The following ROR1 variants were observed in gnomAD, a reference collection of about 807,000 sequenced individuals.
ROR1 encodes the protein inactive tyrosine-protein kinase transmembrane receptor ROR1.
In ROR1, 19 loss-of-function variants were observed where a neutral mutation model predicts 78.8. That is an observed-to-expected ratio of 0.24 (90% CI 0.17 to 0.35). The LOEUF is 0.35. ROR1 is among the 10% of genes least tolerant of loss of function. ROR1 has a pLI of 1.00. For missense variants in ROR1, 917 were observed against 1,177.8 expected, an observed-to-expected ratio of 0.78 and a Z score of 3.24; for synonymous variants, 386 against 433.6, an observed-to-expected ratio of 0.89 and a Z score of 1.36.
intron 1 of ROR1, among the ~76,000 whole-genome samples, chr1:63,986,200 A>G (rs1245867852): frequency 6.6e-6 from 1 of 152,234 alleles, no homozygotes; most frequent in African/African-American, 2.4e-5. Flanking sequence ...ATCAAAGACC[A>G]TAAGCAAGAG....
At chr1:63,786,958 A>C (rs1644692121) in intron 1 of ROR1, among the ~76,000 whole-genome samples, 1 of 152,158 alleles carries the variant, frequency 6.6e-6, no homozygotes, top group South Asian at 2.1e-4. Flanking sequence ...CTCTCCAGTA[A>C]GAAGTTTACT....
intron 4 of ROR1, among the ~76,000 whole-genome samples, chr1:64,082,454 T>C (rs778671421): frequency 4.6e-5 from 7 of 152,296 alleles, no homozygotes; most frequent in African/African-American, 1.2e-4. Flanking sequence ...TTGAAAGAGA[T>C]GCATATATGG....
intron 1 of ROR1, among the ~76,000 whole-genome samples, chr1:63,778,904 T>C (rs1644633778): frequency 6.6e-6 from 1 of 152,262 alleles, no homozygotes; most frequent in Non-Finnish European, 1.5e-5. Flanking sequence ...CCTTGTTTAA[T>C]TCTTACAATT....
At chr1:64,005,954 C>T (rs1646424084) in intron 1 of ROR1, among the ~76,000 whole-genome samples, 1 of 152,170 alleles carries the variant, frequency 6.6e-6, no homozygotes, top group Non-Finnish European at 1.5e-5. Context: ...AATGAGCTTG[C>T]GAATTGAAAT....
chr1:64,091,521 C>T (rs981471623), intron 4 of ROR1, among the ~76,000 whole-genome samples: 18 of 151,992 alleles, frequency 1.2e-4, no homozygotes, highest in African/African-American at 3.4e-4. Context: ...CCTGGGATCC[C>T]GAAAATCATC....
At chr1:63,816,516 C>T (rs565505023) in intron 1 of ROR1, among the ~76,000 whole-genome samples, 125 of 152,246 alleles carry the variant, frequency 8.2e-4, no homozygotes, top group Non-Finnish European at 6.3e-4. Flanking sequence ...TGAGGCCTCC[C>T]CAGCCATTTG....
intron 1 of ROR1, among the ~76,000 whole-genome samples, chr1:63,780,493 A>C (rs1463359077): frequency 6.6e-6 from 1 of 152,208 alleles, no homozygotes; most frequent in East Asian, 1.9e-4. Context: ...CGCCTAACAC[A>C]GCACCATGGA....
chr1:64,157,421 G>C (rs543314570), intron 7 of ROR1, among the ~76,000 whole-genome samples: 2 of 152,192 alleles, frequency 1.3e-5, no homozygotes, highest in South Asian at 4.2e-4. Context: ...TTACAGACAT[G>C]ACCCACTGCA....
rs114986219 is a variant in ROR1, at chr1:64,003,862, A to C, written c.92-5443A>C. ...AAAAGCCTTCACCAAACAACATCTA[A>C]AGTAACACTGAAAACCAACAGTCTC... On this transcript the variant is annotated intron_variant, in intron 1 of 8. Transcript: ENST00000371079. Among the ~76,000 whole-genome samples the C allele has an allele frequency of 3.8e-3, 581 of 152,342 alleles. 6 individuals carry two copies. The highest frequency in any genetic ancestry group is 0.013 in the African/African-American group (548 of 41,582).
At chr1:63,818,441 GTTTTATTCTATTTACT>G (rs893613375) in intron 1 of ROR1, among the ~76,000 whole-genome samples, 1 of 152,178 alleles carries the variant, frequency 6.6e-6, no homozygotes, top group Admixed American at 6.5e-5. Flanking sequence ...TACTATTGCT[GTTTTATTCTATTTACT>G]TTATCACTTG....
intron 1 of ROR1, among the ~76,000 whole-genome samples, chr1:63,939,678 A>T (rs1290553648): frequency 6.6e-6 from 1 of 152,196 alleles, no homozygotes; most frequent in Non-Finnish European, 1.5e-5. Context: ...TACCTCTCTG[A>T]AACATGCAAA....
At position 64,049,732 on chromosome 1, in the gene ROR1, A is replaced by G; in HGVS notation, c.205A>G (p.Thr69Ala). 6.2e-7 allele frequency: 1 copy of G among 1,614,038 alleles called. No homozygotes were observed. Among genetic ancestry groups the G allele is most frequent in the Non-Finnish European group, 8.5e-7 (1 of 1,179,998 alleles). ...CGATGAACCAATGAATAACATCACC[A>G]CGTCTCTGGGCCAGACAGCAGAACT... ...TLDEPMNNITTSLGQTAELHC... is the reference protein window; with the variant it reads ...TLDEPMNNITASLGQTAELHC... Residue 69 changes from threonine (T) to alanine (A), a missense_variant, in exon 3 of 9, where the codon ACG (threonine) becomes GCG (alanine). Thr to Ala is a moderately conservative substitution (Grantham distance 58). Transcript: ENST00000371079.
intron 1 of ROR1, among the ~76,000 whole-genome samples, chr1:63,878,309 CT>C: frequency 6.6e-6 from 1 of 152,190 alleles, no homozygotes. Context: ...TTTTATATAC[CT>C]TTACTTCCAT....
At chr1:64,153,662 A>G (rs1364238595) in intron 7 of ROR1, among the ~76,000 whole-genome samples, 1 of 152,176 alleles carries the variant, frequency 6.6e-6, no homozygotes, top group Non-Finnish European at 1.5e-5. Flanking sequence ...AGAAAGATAG[A>G]TACTGAATGA....
At chr1:63,781,870 A>G (rs1355351971) in intron 1 of ROR1, among the ~76,000 whole-genome samples, 3 of 152,218 alleles carry the variant, frequency 2.0e-5, no homozygotes. Flanking sequence ...CAGTCACCAA[A>G]TGAAAGGGAA....
At chr1:64,119,677 C>A (rs1648456290) in intron 4 of ROR1, among the ~76,000 whole-genome samples, 1 of 150,884 alleles carries the variant, frequency 6.6e-6, no homozygotes, top group African/African-American at 2.4e-5. Flanking sequence ...GGCTGGGGGC[C>A]TATAGTCTAT....
chr1:63,839,279 T>A (rs989919626), intron 1 of ROR1, among the ~76,000 whole-genome samples: 3 of 152,166 alleles, frequency 2.0e-5, no homozygotes, highest in Admixed American at 2.0e-4. Context: ...GGAAGCCAGA[T>A]TTTGACCATA....
rs1426764396 is a variant in ROR1 at position 64,014,719 on chromosome 1, ATATATATACACATACGCACAC to A, written c.163+5352_163+5372del. On this transcript the variant is annotated intron_variant, in intron 2 of 8. Coordinates refer to ENST00000371079, the MANE Select transcript of ROR1 (RefSeq NM_005012.4). ...AGTTCTCTGTGCTGACAGACTATAT[ATATATATACACATACGCACAC>A]TATATATATATATATATATATATAT... Among the ~76,000 whole-genome samples the A allele has an allele frequency of 2.5e-3, 103 of 40,922 alleles. 3 individuals carry two copies. The highest frequency in any genetic ancestry group is 0.014 in the East Asian group (4 of 288). 26.8% of individuals were successfully genotyped at this position (40,922 alleles called of 152,430 possible). A position where few individuals can be genotyped will look rare whatever the true frequency, so the allele number is the denominator to read the frequency against.
chr1:63,958,405 G>A (rs1646001184), intron 1 of ROR1, among the ~76,000 whole-genome samples: 1 of 152,158 alleles, frequency 6.6e-6, no homozygotes, highest in Admixed American at 6.5e-5. Context: ...GGGGGAAGAA[G>A]CAGCAATAAT....
Sources: allele counts gnomAD v4.1 joint callset (sites outside exome capture counted in the v4.1 genomes callset), GRCh38; gene constraint gnomAD v4.1.1; transcripts MANE v1.5; gene names NCBI Gene and HGNC (gene_info 2026-07-23, HGNC 2026-07-21).